MYO5B: variants seen among roughly 807,000 people sequenced by gnomAD.
The protein encoded by MYO5B is myosin VB, also known as unconventional myosin-Vb.
A neutral mutation model predicts 229.3 loss-of-function variants in MYO5B; 143 were observed. That is an observed-to-expected ratio of 0.62 (90% CI 0.54 to 0.72). The LOEUF is 0.72. MYO5B is among the 30% of genes least tolerant of loss of function. The probability of loss-of-function intolerance (pLI) is 0.00; values close to 1 mark genes in which losing one functional copy is unlikely to be tolerated. For missense variants in MYO5B, 2,321 were observed against 2,331.0 expected (o/e 1.00, Z 0.09); for synonymous variants, 918 against 885.2 (o/e 1.04, Z -0.66).
chr18:49,907,621 C>T (rs1157740640), intron 18 of MYO5B, among the ~76,000 whole-genome samples: 1 of 152,250 alleles, frequency 6.6e-6, no homozygotes, highest in East Asian at 1.9e-4. Flanking sequence ...AAAATACACA[C>T]ACAACATTGC....
chr18:49,976,679 C>T (rs1284197551), intron 9 of MYO5B, among the ~76,000 whole-genome samples: 4 of 152,196 alleles, frequency 2.6e-5, no homozygotes, highest in African/African-American at 9.7e-5. Flanking sequence ...TAACCCCAGC[C>T]CTGCAGGACA....
Position 49,953,319 on chromosome 18 carries a change from G to A in MYO5B, c.1693C>T (p.Leu565=), listed in dbSNP as rs886178732. ...DKVEYLSDGF[L]EKNRDTVYEE... ...TACACCGTGTCTCTGTTTTTCTCCA[G>A]AAAACCATCAGAGAGGTACTCCACC... The change falls in exon 14 of 40, where the codon CTG becomes TTG. Residue 565 remains leucine, a synonymous_variant. Coordinates refer to ENST00000285039, the MANE Select transcript of MYO5B (RefSeq NM_001080467.3). The A allele has an allele frequency of 6.2e-7, 1 of 1,614,066 alleles. No individual in the cohort carries two copies. The highest frequency in any genetic ancestry group is 1.3e-5 in the African/African-American group (1 of 75,006).
chr18:49,899,981 G>A (rs146188163), intron 21 of MYO5B, among the ~76,000 whole-genome samples: 84 of 151,924 alleles, frequency 5.5e-4, no homozygotes, highest in African/African-American at 1.9e-3. Flanking sequence ...TTTCAAGCAC[G>A]TGGATTGTAA....
rs150263660 is a variant in MYO5B, at chr18:49,991,297, G to C, written c.757-777C>G. On this transcript the variant is annotated intron_variant, in intron 6 of 39. Transcript: ENST00000285039. ...ATCATCAGCATGGAGATGTCACCAA[G>C]AAACAAACAGCTGAGGCAATTCTGA... is the stretch of plus-strand genomic sequence containing the variant. Among the ~76,000 whole-genome samples the C allele has an allele frequency of 5.3e-5, 8 of 152,300 alleles. No individual in the cohort carries two copies. The East Asian group carries it at 1.5e-3, about 29-fold the overall frequency.
chr18:50,179,983 T>A lies in MYO5B; in HGVS notation c.27+14784A>T, dbSNP rs1018281768. Among the ~76,000 whole-genome samples the A allele has an allele frequency of 2.6e-5, 4 of 152,122 alleles. No homozygotes were observed. The East Asian group carries it at 5.8e-4, about 22-fold the overall frequency. ...CAAAGTGCAGGAAGGTCCATAACCATAAGCTATGGAACACTTAGGTCCGGA... is the reference window on the plus strand; with the variant it reads ...CAAAGTGCAGGAAGGTCCATAACCAAAAGCTATGGAACACTTAGGTCCGGA... On this transcript the variant is annotated intron_variant, in intron 1 of 39. Coordinates refer to ENST00000285039, the MANE Select transcript of MYO5B (RefSeq NM_001080467.3).
At chr18:49,827,409 T>C (rs961818787) in intron 39 of MYO5B, among the ~76,000 whole-genome samples, 4 of 152,192 alleles carry the variant, frequency 2.6e-5, no homozygotes, top group Non-Finnish European at 4.4e-5. Flanking sequence ...CCTGTCTTGG[T>C]TTAGACATTC....
intron 1 of MYO5B, among the ~76,000 whole-genome samples, chr18:50,185,165 A>C (rs536096825): frequency 6.6e-6 from 1 of 152,116 alleles, no homozygotes; most frequent in African/African-American, 2.4e-5. Flanking sequence ...AAATATAAGG[A>C]AAACAACACA....
Position 49,847,129 on chromosome 18 carries a change from G to T in MYO5B, c.4459+17C>A. 1 of 1,613,934 alleles carries T rather than the reference G, an allele frequency of 6.2e-7. No homozygotes were observed. The highest frequency in any genetic ancestry group is 8.5e-7 in the Non-Finnish European group (1 of 1,179,968). ...AAGGAGGGGCAGGCAGCATAGGGTG[G>T]CACAGAGGGTCCTTACCTGTCACCA... On this transcript the variant is annotated intron_variant, in intron 33 of 39. Transcript: ENST00000285039.
chr18:50,012,530 A>T (rs2026173048), intron 4 of MYO5B, among the ~76,000 whole-genome samples: 1 of 152,234 alleles, frequency 6.6e-6, no homozygotes, highest in Admixed American at 6.5e-5. Context: ...TACAATTGAA[A>T]TAATGATGTA....
chr18:50,076,928 CAA>C (rs35236740), intron 1 of MYO5B, among the ~76,000 whole-genome samples: 293 of 148,574 alleles, frequency 2.0e-3, no homozygotes, highest in Middle Eastern at 3.4e-3. Context: ...ACTGATGTTG[CAA>C]AAAAAAAAAA....
chr18:50,054,647 T>C (rs1015909973), intron 2 of MYO5B, among the ~76,000 whole-genome samples: 1 of 152,152 alleles, frequency 6.6e-6, no homozygotes, highest in African/African-American at 2.4e-5. Context: ...TCATAGTTAC[T>C]ACCTTGTCTT....
intron 1 of MYO5B, chr18:50,063,907 G>A (rs1201416930): frequency 6.6e-6 from 1 of 152,370 alleles, no homozygotes; most frequent in African/African-American, 2.4e-5. Flanking sequence ...TATGAATGTA[G>A]TTAACAGAGT....
At chr18:49,972,476 T>C (rs904882323) in intron 10 of MYO5B, among the ~76,000 whole-genome samples, 1 of 152,230 alleles carries the variant, frequency 6.6e-6, no homozygotes, top group Admixed American at 6.5e-5. Context: ...TGGTATTTTA[T>C]GTAGCAGTAG....
At chr18:50,033,506 G>GTCT (rs1045887992) in intron 4 of MYO5B, among the ~76,000 whole-genome samples, 2 of 152,126 alleles carry the variant, frequency 1.3e-5, no homozygotes, top group African/African-American at 4.8e-5. Flanking sequence ...GCAGGGTGAG[G>GTCT]TCTTACATTT....
At chr18:49,992,238 G>A (rs761408063) in intron 6 of MYO5B, 50 bp downstream of exon 6, 18 of 1,612,918 alleles carry the variant, frequency 1.1e-5, no homozygotes, top group Non-Finnish European at 1.4e-5. Context: ...GCAGAAGTAA[G>A]GTAATTGTCC....
At chr18:49,879,624 T>C (rs1413889269) in intron 23 of MYO5B, among the ~76,000 whole-genome samples, 2 of 152,154 alleles carry the variant, frequency 1.3e-5, no homozygotes, top group Admixed American at 6.5e-5. Context: ...AGATGTGATA[T>C]TGGGTGGGAC....
At chr18:50,029,637 G>C (rs1463871397) in intron 4 of MYO5B, among the ~76,000 whole-genome samples, 2 of 152,186 alleles carry the variant, frequency 1.3e-5, no homozygotes, top group Non-Finnish European at 2.9e-5. Context: ...TCTGTCAGCT[G>C]TAACAACTGT....
chr18:49,882,464 C>G (rs1043546140), intron 22 of MYO5B, among the ~76,000 whole-genome samples: 1 of 151,664 alleles, frequency 6.6e-6, no homozygotes, highest in Non-Finnish European at 1.5e-5. Context: ...CCCGTCTCTA[C>G]TAAAAATACA....
chr18:50,053,618 G>C (rs1180625678), intron 2 of MYO5B, among the ~76,000 whole-genome samples: 3 of 151,962 alleles, frequency 2.0e-5, no homozygotes, highest in East Asian at 1.9e-4. Flanking sequence ...AAAAGCAAGA[G>C]GTGGCTAGCG....
Sources: allele counts gnomAD v4.1 joint callset (sites outside exome capture counted in the v4.1 genomes callset), GRCh38; gene constraint gnomAD v4.1.1; transcripts MANE v1.5; gene names NCBI Gene and HGNC (gene_info 2026-07-23, HGNC 2026-07-21).